PLEKHG1: variants seen among roughly 807,000 people sequenced by gnomAD.
The protein encoded by PLEKHG1 is pleckstrin homology domain-containing family G member 1.
In PLEKHG1, 44 loss-of-function variants were observed where a neutral mutation model predicts 100.8. That is an observed-to-expected ratio of 0.44 (90% CI 0.34 to 0.56). The LOEUF (loss-of-function observed/expected upper bound fraction) is 0.56. PLEKHG1 is among the 20% of genes least tolerant of loss of function. The probability of loss-of-function intolerance (pLI) is 0.01; values close to 1 mark genes in which losing one functional copy is unlikely to be tolerated. For missense variants in PLEKHG1, 1,545 were observed against 1,720.9 expected (o/e 0.90, Z 1.81); for synonymous variants, 640 against 662.5 (o/e 0.97, Z 0.52).
At chr6:150,834,239 G>T (rs1462079138) in intron 15 of PLEKHG1, among the ~76,000 whole-genome samples, 1 of 152,148 alleles carries the variant, frequency 6.6e-6, no homozygotes, top group Non-Finnish European at 1.5e-5. Context: ...TCCCTATTCT[G>T]ATGCTAGCGT....
Position 150,820,622 on chromosome 6 carries a change from C to T in PLEKHG1, c.1409-573C>T, listed in dbSNP as rs190952112. Reference sequence around the variant, plus strand: ...GCTCACACCTGTAATCCCAGCATTTCGGGAGGCTGAGGTGGGAGGATCACC... The same window carrying T: ...GCTCACACCTGTAATCCCAGCATTTTGGGAGGCTGAGGTGGGAGGATCACC... On this transcript the variant is annotated intron_variant, in intron 12 of 15. Transcript: ENST00000358517. Among the ~76,000 whole-genome samples the T allele has an allele frequency of 2.5e-3, 378 of 151,846 alleles. 2 individuals carry two copies. The highest frequency in any genetic ancestry group is 8.6e-3 in the African/African-American group (357 of 41,398).
At chr6:150,719,996 A>G (rs1781601050), upstream of PLEKHG1, among the ~76,000 whole-genome samples, 1 of 152,264 alleles carries the variant, frequency 6.6e-6, no homozygotes, top group Admixed American at 6.5e-5. Context: ...ATCACTTAAT[A>G]GGCATGACAG....
chr6:150,750,608 G>A (rs1029715835), intron 2 of PLEKHG1, among the ~76,000 whole-genome samples: 4 of 151,346 alleles, frequency 2.6e-5, no homozygotes, highest in Non-Finnish European at 5.9e-5. Context: ...GTGAAACCCC[G>A]TCTCTACTAA....
chr6:150,683,867 G>A lies in PLEKHG1; in HGVS notation c.-99+33081G>A. 1.6e-6 allele frequency: 2 copies of A among 1,260,236 alleles called. No homozygotes were observed. Among genetic ancestry groups the A allele is most frequent in the South Asian group, 2.5e-5 (2 of 79,476 alleles). 78.1% of individuals were successfully genotyped at this position (1,260,236 alleles called of 1,614,324 possible). A position where few individuals can be genotyped will look rare whatever the true frequency, so the allele number is the denominator to read the frequency against. On this transcript the variant is annotated intron_variant, in intron 3 of 3. Coordinates refer to the PLEKHG1 transcript ENST00000367326. The surrounding 1 kb of genome is among the most constrained non-coding windows in gnomAD (Gnocchi z 4.0). ...GCGAGTGAAATATGGGAATATTGAA[G>A]GGGCCTGGGATGGAGGTAAGATGGA...
At chr6:150,739,299 C>G (rs191148274) in intron 2 of PLEKHG1, among the ~76,000 whole-genome samples, 43 of 152,218 alleles carry the variant, frequency 2.8e-4, no homozygotes, top group Admixed American at 1.4e-3. Context: ...GTGATTTTAT[C>G]TCTTTCCATT....
chr6:150,810,145 AAGTT>A (rs1437216530), intron 10 of PLEKHG1, among the ~76,000 whole-genome samples: 1 of 151,678 alleles, frequency 6.6e-6, no homozygotes, highest in Admixed American at 6.6e-5. Context: ...AAAAATATAA[AAGTT>A]AGCACCCGGC....
chr6:150,670,420 G>A (rs1779544370), intron 3 of PLEKHG1, among the ~76,000 whole-genome samples: 1 of 152,196 alleles, frequency 6.6e-6, no homozygotes, highest in South Asian at 2.1e-4. Flanking sequence ...CACAGAGATG[G>A]AAGGCTAACC....
chr6:150,819,116 A>ATT (rs56049606), intron 11 of PLEKHG1, among the ~76,000 whole-genome samples: 50 of 133,054 alleles, frequency 3.8e-4, no homozygotes, highest in African/African-American at 1.0e-3. Context: ...TTGCCTTCGG[A>ATT]TTTTTTTTTT....
At chr6:150,785,230 C>T (rs1360445032) in intron 3 of PLEKHG1, among the ~76,000 whole-genome samples, 3 of 152,158 alleles carry the variant, frequency 2.0e-5, no homozygotes, top group Non-Finnish European at 1.5e-5. Context: ...CAGTGCCCAT[C>T]GAGAATGAGA....
chr6:150,621,991 A>G (rs1244551970), intron 1 of PLEKHG1, among the ~76,000 whole-genome samples: 1 of 152,202 alleles, frequency 6.6e-6, no homozygotes, highest in Non-Finnish European at 1.5e-5. Context: ...AGAGATGCAC[A>G]TTTGAATCCA....
At chr6:150,826,580 G>A (rs1364454590) in intron 14 of PLEKHG1, among the ~76,000 whole-genome samples, 1 of 152,160 alleles carries the variant, frequency 6.6e-6, no homozygotes, top group African/African-American at 2.4e-5. Context: ...TATTAGGTTG[G>A]TGCAAAAGTA....
intron 1 of PLEKHG1, among the ~76,000 whole-genome samples, chr6:150,724,401 A>AGTG (rs944250697): frequency 6.6e-6 from 1 of 152,184 alleles, no homozygotes; most frequent in African/African-American, 2.4e-5. Context: ...TCCCTCTCTG[A>AGTG]GTGGTAACAC....
In PLEKHG1 at chr6:150,658,330, T is replaced by C. The variant is rs79719580; in HGVS notation, c.-99+7544T>C. On this transcript the variant is annotated intron_variant, in intron 3 of 3. Coordinates refer to the PLEKHG1 transcript ENST00000367326. ...AAAATAGAAAGACAAGGAATTGCAATTGATCTTAAGTCCTGTATTAAGGCG... is the reference window on the plus strand; with the variant it reads ...AAAATAGAAAGACAAGGAATTGCAACTGATCTTAAGTCCTGTATTAAGGCG... Among the ~76,000 whole-genome samples, 575 of 152,364 alleles carry C rather than the reference T, an allele frequency of 3.8e-3. 1 individual carries two copies. The highest frequency in any genetic ancestry group is 0.013 in the African/African-American group (540 of 41,596).
chr6:150,638,636 C>A (rs1410161037), intron 2 of PLEKHG1, among the ~76,000 whole-genome samples: 2 of 152,122 alleles, frequency 1.3e-5, no homozygotes, highest in Non-Finnish European at 2.9e-5. Flanking sequence ...AGGTAGAAGC[C>A]CCCTTGCCAG....
chr6:150,779,949 C>T (rs1430422800), intron 3 of PLEKHG1, among the ~76,000 whole-genome samples: 3 of 150,554 alleles, frequency 2.0e-5, no homozygotes, highest in East Asian at 4.2e-4. Flanking sequence ...GGTGACAGAG[C>T]GAGACTCCGT....
intron 3 of PLEKHG1, among the ~76,000 whole-genome samples, chr6:150,695,737 C>G (rs1780518638): frequency 6.6e-6 from 1 of 152,150 alleles, no homozygotes; most frequent in African/African-American, 2.4e-5. Context: ...AACAAAAAAG[C>G]CATGCACACC....
chr6:150,831,332 A>T lies in PLEKHG1; in HGVS notation c.2221A>T (p.Ile741Phe). Reference sequence around the variant, plus strand: ...TGAACTCCAAGCGGTTGAGGAGAACATCTATGACACCATAGGGCTCCCAGA... The same window carrying T: ...TGAACTCCAAGCGGTTGAGGAGAACTTCTATGACACCATAGGGCTCCCAGA... The change falls in exon 15 of 16, where the codon ATC becomes TTC. Residue 741 changes from isoleucine (I) to phenylalanine (F), a missense_variant. Ile to Phe is a conservative substitution (Grantham distance 21, BLOSUM62 0). Coordinates refer to ENST00000358517, the Ensembl canonical transcript of PLEKHG1. This position sits in a 1 kb window ranked among gnomAD's most constrained non-coding sequence, Gnocchi z 4.1. The T allele has an allele frequency of 6.2e-7, 1 of 1,614,144 alleles. No homozygotes were observed. The highest frequency in any genetic ancestry group is 1.3e-5 in the African/African-American group (1 of 75,040).
intron 2 of PLEKHG1, among the ~76,000 whole-genome samples, chr6:150,643,142 A>AT (rs1472028180): frequency 6.6e-6 from 1 of 152,202 alleles, no homozygotes; most frequent in African/African-American, 2.4e-5. Flanking sequence ...CTCATCTCTA[A>AT]TTAAGTATTA....
intron 3 of PLEKHG1, 93 bp downstream of exon 2, chr6:150,650,879 A>G (rs1014342834): frequency 2.6e-5 from 4 of 152,162 alleles, no homozygotes; most frequent in Non-Finnish European, 5.9e-5. Flanking sequence ...ATTTTTGTAT[A>G]AGTGTACTCT....
Sources: gnomAD v4.1 joint callset for allele counts (sites outside exome capture counted in the v4.1 genomes callset) on GRCh38, gnomAD v4.1.1 for gene constraint, Gnocchi (gnomAD v3.1) non-coding constraint, MANE v1.5 for transcripts, NCBI Gene and HGNC (gene_info 2026-07-23, HGNC 2026-07-21) for gene names.